The following CD28 variants were observed in gnomAD, a reference collection of about 807,000 sequenced individuals.
CD28 encodes T-cell-specific surface glycoprotein CD28.
CD28 carries 8 observed loss-of-function variants against 21.4 expected under a neutral mutation model. The observed-to-expected ratio is 0.37, with a 90% confidence interval of 0.22 to 0.68. The LOEUF (loss-of-function observed/expected upper bound fraction) is 0.68, where lower values mean the gene tolerates loss of function less well. CD28 is among the 30% of genes least tolerant of loss of function. CD28 has a pLI of 0.55. For missense variants in CD28, 239 were observed against 272.2 expected, an observed-to-expected ratio of 0.88 and a Z score of 0.86; for synonymous variants, 106 against 104.0, an observed-to-expected ratio of 1.02 and a Z score of -0.12.
chr2:203,714,172 A>G (rs1693399861), intron 1 of CD28, among the ~76,000 whole-genome samples: 1 of 152,142 alleles, frequency 6.6e-6, no homozygotes, highest in Non-Finnish European at 1.5e-5. Flanking sequence ...TTAAAAACAA[A>G]CAAATCTCTC....
At chr2:203,713,419 C>CTAG (rs1693369296) in intron 1 of CD28, among the ~76,000 whole-genome samples, 1 of 152,038 alleles carries the variant, frequency 6.6e-6, no homozygotes, top group African/African-American at 2.4e-5. Context: ...GGATGGTTAG[C>CTAG]TAGTGAAGGA....
At chr2:203,724,882 A>T (rs1309292727) in intron 1 of CD28, among the ~76,000 whole-genome samples, 1 of 152,230 alleles carries the variant, frequency 6.6e-6, no homozygotes, top group Non-Finnish European at 1.5e-5. Context: ...AAATAAACTT[A>T]AAAGAAATGC....
chr2:203,724,616 T>G (rs1693690235), intron 1 of CD28, among the ~76,000 whole-genome samples: 1 of 152,142 alleles, frequency 6.6e-6, no homozygotes, highest in South Asian at 2.1e-4. Flanking sequence ...ACTCCTGGGC[T>G]CAAGCATTCA....
At chr2:203,714,995 G>A (rs1027761769) in intron 1 of CD28, among the ~76,000 whole-genome samples, 1 of 152,162 alleles carries the variant, frequency 6.6e-6, no homozygotes, top group Non-Finnish European at 1.5e-5. Flanking sequence ...TATATGACAA[G>A]GTGATCCTGA....
chr2:203,725,772 G>A (rs2106119318), intron 1 of CD28, among the ~76,000 whole-genome samples: 1 of 152,240 alleles, frequency 6.6e-6, no homozygotes, highest in South Asian at 2.1e-4. Context: ...TGAATTTGGT[G>A]CAGAAAACAC....
intron 1 of CD28, among the ~76,000 whole-genome samples, chr2:203,726,423 T>C (rs114492950): frequency 0.01 from 1,542 of 152,256 alleles, 20 homozygotes; most frequent in African/African-American, 0.034. Flanking sequence ...ACATGCTCCA[T>C]TGTTCCATTC....
intron 1 of CD28, among the ~76,000 whole-genome samples, chr2:203,710,365 C>A: frequency 6.6e-6 from 1 of 152,144 alleles, no homozygotes; most frequent in East Asian, 1.9e-4. Context: ...GCAAGGACTG[C>A]AAAATTAATA....
Position 203,726,682 on chromosome 2 carries a change from T to C in CD28, c.102T>C (p.Asn34=), listed in dbSNP as rs564230998. ...CGCCCATGCTTGTAGCGTACGACAA[T>C]GCGGTCAACCTTAGCTGCAAGTATT... The part of the protein sequence containing the change: ...KQSPMLVAYD[N]AVNLSCKYSY... Residue 34 remains asparagine (N), a synonymous_variant, in exon 2 of 4, where the codon AAT becomes AAC. Coordinates refer to ENST00000324106, the MANE Select transcript of CD28 (RefSeq NM_006139.4). 15 of 1,614,100 alleles carry C rather than the reference T, an allele frequency of 9.3e-6. 1 individual carries two copies. In the South Asian group the frequency reaches 1.1e-4, roughly 12 times the overall value.
At chr2:203,714,881 G>T (rs1287932443) in intron 1 of CD28, among the ~76,000 whole-genome samples, 1 of 152,126 alleles carries the variant, frequency 6.6e-6, no homozygotes, top group East Asian at 1.9e-4. Context: ...GGACTTTGAG[G>T]GGGCAATGCT....
intron 1 of CD28, among the ~76,000 whole-genome samples, chr2:203,719,534 C>T (rs955077798): frequency 1.3e-5 from 2 of 152,172 alleles, no homozygotes; most frequent in Admixed American, 6.5e-5. Flanking sequence ...TTTGATGCAA[C>T]ATGGCAGAAG....
At chr2:203,724,758 CCAAAA>C (rs1234747690) in intron 1 of CD28, among the ~76,000 whole-genome samples, 2 of 152,058 alleles carry the variant, frequency 1.3e-5, no homozygotes, top group Admixed American at 1.3e-4. Context: ...CTTACCAAAA[CCAAAA>C]CAAAACACCT....
At chr2:203,728,260 G>A (rs1693804363) in intron 2 of CD28, among the ~76,000 whole-genome samples, 1 of 152,172 alleles carries the variant, frequency 6.6e-6, no homozygotes, top group African/African-American at 2.4e-5. Flanking sequence ...CAGTATTTGT[G>A]AATTAGTGAA....
intron 3 of CD28, among the ~76,000 whole-genome samples, chr2:203,731,876 T>C (rs750661865): frequency 3.3e-5 from 5 of 152,214 alleles, no homozygotes; most frequent in Non-Finnish European, 7.3e-5. Context: ...AGTCCTGTCA[T>C]TTGTGGCCTC....
intron 3 of CD28, among the ~76,000 whole-genome samples, chr2:203,732,194 C>T (rs578042748): frequency 6.6e-6 from 1 of 152,266 alleles, no homozygotes; most frequent in South Asian, 2.1e-4. Flanking sequence ...CCGGAACTTC[C>T]TGAGGGCCTG....
intron 1 of CD28, among the ~76,000 whole-genome samples, chr2:203,720,837 A>G (rs1387239857): frequency 6.6e-6 from 1 of 152,232 alleles, no homozygotes; most frequent in East Asian, 1.9e-4. Context: ...GTTTACTCAA[A>G]GTCACAATGA....
chr2:203,718,832 A>T (rs1411813837), intron 1 of CD28, among the ~76,000 whole-genome samples: 1 of 152,214 alleles, frequency 6.6e-6, no homozygotes, highest in African/African-American at 2.4e-5. Context: ...CTGAAATGTG[A>T]TTTCATGTGT....
intron 1 of CD28, among the ~76,000 whole-genome samples, chr2:203,710,683 C>T (rs1693288605): frequency 6.6e-6 from 1 of 152,112 alleles, no homozygotes; most frequent in Non-Finnish European, 1.5e-5. Flanking sequence ...TTTATGCCAC[C>T]AACATCCCAG....
intron 1 of CD28, among the ~76,000 whole-genome samples, chr2:203,723,898 T>C (rs923013287): frequency 2.0e-5 from 3 of 152,182 alleles, no homozygotes; most frequent in Non-Finnish European, 2.9e-5. Context: ...GGCAAATACC[T>C]AAGAGAGTTG....
intron 1 of CD28, among the ~76,000 whole-genome samples, chr2:203,720,287 C>G (rs747283465): frequency 1.3e-5 from 2 of 152,170 alleles, no homozygotes; most frequent in Non-Finnish European, 2.9e-5. Flanking sequence ...CTTTGAAAAG[C>G]AAAGCACTAA....
Sources: gnomAD v4.1 joint callset for allele counts (sites outside exome capture counted in the v4.1 genomes callset) on GRCh38, gnomAD v4.1.1 for gene constraint, MANE v1.5 for transcripts, NCBI Gene and HGNC (gene_info 2026-07-23, HGNC 2026-07-21) for gene names.